Variants in ABCA10 observed in about 807,000 individuals in gnomAD.
The protein encoded by ABCA10 is ATP-binding cassette sub-family A member 10.
ABCA10 carries 169 observed loss-of-function variants against 187.5 expected under a neutral mutation model. That is an observed-to-expected ratio of 0.90 (90% CI 0.80 to 1.02). The LOEUF is 1.02. Ranked by LOEUF, ABCA10 falls within the 50% of genes least tolerant of loss-of-function variation. The probability of loss-of-function intolerance (pLI) is 0.00; values close to 1 mark genes in which losing one functional copy is unlikely to be tolerated. For synonymous variants in ABCA10, 574 were observed against 601.8 expected, an observed-to-expected ratio of 0.95 and a Z score of 0.68; for missense variants, 1,727 against 1,812.4, an observed-to-expected ratio of 0.95 and a Z score of 0.86.
chr17:69,197,024 G>GAGGGGC, intron 11 of ABCA10, 40 bp downstream of exon 11: 1 of 1,380,980 alleles, frequency 7.2e-7, no homozygotes, highest in Non-Finnish European at 9.8e-7. Context: ...GGGGGAGGGG[G>GAGGGGC]AGAGGGAGAG....
Position 69,221,845 on chromosome 17 carries a change from A to T in ABCA10, c.250T>A (p.Trp84Arg). The T allele has an allele frequency of 6.2e-7, 1 of 1,613,372 alleles. No homozygotes were observed. The highest frequency in any genetic ancestry group is 8.5e-7 in the Non-Finnish European group (1 of 1,179,690). The part of the protein sequence containing the change: ...GEIFCYLAKY[W>R]LKGFVAFQAA... ...TGAAAAGCTACAAACCCTTTTAGCC[A>T]GTACTTTGCCAAGTAACAAAAAATT... Residue 84 changes from tryptophan (W) to arginine (R), a missense_variant, in exon 5 of 39, where the codon TGG becomes AGG. By Grantham distance (101) the Trp-to-Arg change is moderately radical. Transcript: ENST00000690296.
At chr17:69,182,527 T>A in intron 21 of ABCA10, 148 bp downstream of exon 21, 1 of 1,060,880 alleles carries the variant, frequency 9.4e-7, no homozygotes, top group Non-Finnish European at 1.3e-6. Context: ...AATATTTATA[T>A]TTTATGTGAC....
At chr17:69,154,908 T>C (rs1347750113) in intron 30 of ABCA10, 111 bp downstream of exon 30, 1 of 667,656 alleles carries the variant, frequency 1.5e-6, no homozygotes, top group Non-Finnish European at 2.5e-6. Context: ...AATTACACAT[T>C]AACCAGGATA....
intron 9 of ABCA10, among the ~76,000 whole-genome samples, chr17:69,212,505 G>T (rs998855324): frequency 6.6e-6 from 1 of 152,150 alleles, no homozygotes; most frequent in African/African-American, 2.4e-5. Context: ...TAAGACCATT[G>T]TTTCTTTGTT....
chr17:69,183,777 T>A (rs1020464778), intron 20 of ABCA10, among the ~76,000 whole-genome samples: 3 of 152,058 alleles, frequency 2.0e-5, no homozygotes, highest in African/African-American at 7.2e-5. Flanking sequence ...GCCAGTGGAA[T>A]TGGGGAAAGA....
chr17:69,184,955 ATAC>A (rs2074410306), intron 20 of ABCA10, among the ~76,000 whole-genome samples: 1 of 150,018 alleles, frequency 6.7e-6, no homozygotes, highest in African/African-American at 2.5e-5. Context: ...ACACCTTGGA[ATAC>A]TACTAATCCA....
intron 27 of ABCA10, among the ~76,000 whole-genome samples, chr17:69,157,855 G>C (rs982064479): frequency 1.2e-4 from 18 of 151,706 alleles, no homozygotes; most frequent in Non-Finnish European, 4.4e-5. Context: ...AAATGTGAAA[G>C]GGAAATATAA....
rs111626863 is a variant in ABCA10 at position 69,220,063 on chromosome 17, T to C, written c.304-292A>G. On this transcript the variant is annotated intron_variant, in intron 5 of 38. Transcript: ENST00000690296. ...CATTCTCATAGAGATTTACATTTTG[T>C]AGCGCAGCAGAAGAAAGGAGAGATA... Among the ~76,000 whole-genome samples, 340 of 152,328 alleles carry C rather than the reference T, an allele frequency of 2.2e-3. 2 individuals are homozygous for C. The highest frequency in any genetic ancestry group is 8.0e-3 in the African/African-American group (331 of 41,566).
At position 69,185,522 on chromosome 17, in the gene ABCA10, T is replaced by A. The variant is rs2074414448; in HGVS notation, c.2452A>T (p.Ile818Phe). The A allele has an allele frequency of 6.2e-7, 1 of 1,613,516 alleles. No individual in the cohort carries two copies. Among genetic ancestry groups the A allele is most frequent in the African/African-American group, 1.3e-5 (1 of 74,900 alleles). The part of the protein sequence containing the change: ...PSMYFLSLEQ[I>F]PKTPLTSLLI... ...AGGCTGGTAAGAGGCGTCTTCGGGA[T>A]TTGTTCCAGAGAAAGGAAATACATA... The change falls in exon 20 of 39, where the codon ATC becomes TTC. Residue 818 changes from isoleucine (I) to phenylalanine (F), a missense_variant. Coordinates refer to ENST00000690296, the MANE Select transcript of ABCA10 (RefSeq NM_001377321.1).
intron 9 of ABCA10, among the ~76,000 whole-genome samples, chr17:69,209,175 C>T (rs1436591981): frequency 1.3e-5 from 2 of 152,148 alleles, no homozygotes; most frequent in African/African-American, 2.4e-5. Flanking sequence ...TGAAAAATAA[C>T]ATTAAAGTAA....
At chr17:69,211,328 T>C (rs1425675422) in intron 9 of ABCA10, among the ~76,000 whole-genome samples, 1 of 97,878 alleles carries the variant, frequency 1.0e-5, no homozygotes, top group African/African-American at 8.6e-5. Context: ...TATATATATA[T>C]ATATATATAT....
rs536361612 is a variant in ABCA10 at position 69,243,903 on chromosome 17, C to T, written c.-593+626G>A. Reference sequence around the variant, plus strand: ...GCAAAGTGAGACCCTATCTCAAAAACGAAAGAAACACCAAATGATGCTTGA... The same window carrying T: ...GCAAAGTGAGACCCTATCTCAAAAATGAAAGAAACACCAAATGATGCTTGA... On this transcript the variant is annotated intron_variant, in intron 1 of 39. Coordinates refer to the ABCA10 transcript ENST00000269081. Among the ~76,000 whole-genome samples, 8 of 152,160 alleles carry T rather than the reference C, an allele frequency of 5.3e-5. No individual in the cohort carries two copies. The East Asian group carries it at 7.7e-4, about 15-fold the overall frequency.
intron 22 of ABCA10, among the ~76,000 whole-genome samples, chr17:69,176,204 T>G (rs1461055900): frequency 6.6e-6 from 1 of 152,128 alleles, no homozygotes; most frequent in African/African-American, 2.4e-5. Context: ...GTTCCCTATT[T>G]CCAAGTTGGC....
At chr17:69,194,748 G>T (rs2074485848) in intron 11 of ABCA10, among the ~76,000 whole-genome samples, 1 of 152,124 alleles carries the variant, frequency 6.6e-6, no homozygotes, top group Non-Finnish European at 1.5e-5. Context: ...GAATGTCAAA[G>T]AATCTATACA....
intron 9 of ABCA10, among the ~76,000 whole-genome samples, chr17:69,210,170 CTTTTTTTTTTTTTTTTT>C (rs1160992125): frequency 4.2e-5 from 3 of 70,894 alleles, no homozygotes; most frequent in Non-Finnish European, 7.9e-5. Context: ...GTGGTTATTT[CTTTTTTTTTTTTTTTTT>C]TTTTTTTTTT....
At position 69,149,073 on chromosome 17, in the gene ABCA10, T is replaced by C. The variant is rs757921337; in HGVS notation, c.4493A>G (p.Asn1498Ser). 3 of 1,613,848 alleles carry C rather than the reference T, an allele frequency of 1.9e-6. No homozygotes were observed. Among genetic ancestry groups the C allele is most frequent in the African/African-American group, 2.7e-5 (2 of 74,912 alleles). Residue 1498 changes from asparagine (N) to serine (S), a missense_variant, in exon 38 of 39, where the codon AAC becomes AGC. Coordinates refer to ENST00000690296, the MANE Select transcript of ABCA10 (RefSeq NM_001377321.1). ...CTGAGAGAGGCTGTATTCCTCCAGG[T>C]TGAAGGTCTGTTTCACTGCATGTAA... ...FKLEAMKQTFNLEEYSLSQAT... is the reference protein window; with the variant it reads ...FKLEAMKQTFSLEEYSLSQAT...
At position 69,182,186 on chromosome 17, in the gene ABCA10, C is replaced by T; in HGVS notation, c.2736G>A (p.Glu912=). The change falls in exon 22 of 39, where the codon GAG becomes GAA. Residue 912 remains glutamate (E), a synonymous_variant. Transcript: ENST00000690296. ...NALMGIFNFT[E]LIQMESTSFS... is the part of the protein sequence containing the mutation. ...ATGAAGTGCTCTCCATTTGAATAAG[C>T]TCCGTGAAGTTAAAAATTCCCATAA... The T allele has an allele frequency of 6.3e-7, 1 of 1,591,718 alleles. No homozygotes were observed.
intron 3 of ABCA10, among the ~76,000 whole-genome samples, chr17:69,224,384 T>G (rs1166913460): frequency 1.3e-5 from 2 of 152,106 alleles, no homozygotes; most frequent in Non-Finnish European, 2.9e-5. Context: ...GAATGAGGGC[T>G]AACAACAAGA....
At chr17:69,236,192 G>A (rs950921553) in intron 1 of ABCA10, among the ~76,000 whole-genome samples, 6 of 152,014 alleles carry the variant, frequency 3.9e-5, no homozygotes, top group South Asian at 2.1e-4. Flanking sequence ...CTTGTGGATC[G>A]GCCACACTGT....
Sources: gnomAD v4.1 joint callset for allele counts (sites outside exome capture counted in the v4.1 genomes callset) on GRCh38, gnomAD v4.1.1 for gene constraint, MANE v1.5 for transcripts, NCBI Gene and HGNC (gene_info 2026-07-23, HGNC 2026-07-21) for gene names.